Variants in MBNL1 observed in about 807,000 individuals in gnomAD.
The protein encoded by MBNL1 is muscleblind like splicing regulator 1.
MBNL1 carries 8 observed loss-of-function variants against 42.2 expected under a neutral mutation model. The observed-to-expected ratio is 0.19, with a 90% confidence interval of 0.11 to 0.34. MBNL1 has a LOEUF of 0.34. MBNL1 is among the 10% of genes least tolerant of loss of function. The pLI is 1.00. For synonymous variants in MBNL1, 169 were observed against 173.9 expected, an observed-to-expected ratio of 0.97 and a Z score of 0.22; for missense variants, 309 against 495.3, an observed-to-expected ratio of 0.62 and a Z score of 3.57.
intron 2 of MBNL1, among the ~76,000 whole-genome samples, chr3:152,349,209 A>G (rs1269806263): frequency 6.6e-6 from 1 of 152,084 alleles, no homozygotes; most frequent in Non-Finnish European, 1.5e-5. Flanking sequence ...TGTTTGAAAT[A>G]CTTGAATAAC....
intron 4 of MBNL1, among the ~76,000 whole-genome samples, chr3:152,434,815 C>A (rs1251319700): frequency 6.6e-6 from 1 of 152,122 alleles, no homozygotes; most frequent in Non-Finnish European, 1.5e-5. Context: ...GGGAATTTTT[C>A]ATATGCTTGT....
chr3:152,358,408 GA>G (rs879522289), intron 2 of MBNL1, among the ~76,000 whole-genome samples: 1 of 151,786 alleles, frequency 6.6e-6, no homozygotes, highest in Admixed American at 6.6e-5. Context: ...GTATGTGAGA[GA>G]AAAAAAGACA....
At chr3:152,424,243 A>G (rs189269274) in intron 3 of MBNL1, among the ~76,000 whole-genome samples, 144 of 152,368 alleles carry the variant, frequency 9.5e-4, no homozygotes, top group African/African-American at 3.3e-3. Flanking sequence ...TACAAAATCA[A>G]TGTGCAAAAA....
chr3:152,349,605 A>G (rs1448090331), intron 2 of MBNL1, among the ~76,000 whole-genome samples: 1 of 152,180 alleles, frequency 6.6e-6, no homozygotes, highest in Non-Finnish European at 1.5e-5. Flanking sequence ...TGACTTATCC[A>G]TTAGTCATCC....
At chr3:152,297,862 G>A (rs1340308460) in intron 1 of MBNL1, among the ~76,000 whole-genome samples, 1 of 151,802 alleles carries the variant, frequency 6.6e-6, no homozygotes, top group Non-Finnish European at 1.5e-5. Context: ...TACCATGTTG[G>A]CCAGGCTGGT....
chr3:152,252,148 C>CTTCCTTCCTTCCTTCCTTCT (rs1431454510), intron 2 of MBNL1, among the ~76,000 whole-genome samples: 3 of 141,950 alleles, frequency 2.1e-5, no homozygotes, highest in African/African-American at 7.8e-5. Flanking sequence ...TCCTTCCTTC[C>CTTCCTTCCTTCCTTCCTTCT]TTCCTTCCTT....
At chr3:152,345,430 A>G (rs2094083384) in intron 2 of MBNL1, among the ~76,000 whole-genome samples, 1 of 152,258 alleles carries the variant, frequency 6.6e-6, no homozygotes, top group Admixed American at 6.5e-5. Flanking sequence ...CAAGAGGGGA[A>G]GTGTTATAAA....
At chr3:152,455,689 T>C in intron 7 of MBNL1, 112 bp downstream of exon 7, 1 of 885,126 alleles carries the variant, frequency 1.1e-6, no homozygotes, top group Non-Finnish European at 1.8e-6. Context: ...CATTTCCCTT[T>C]TACTAACACT....
At chr3:152,417,639 A>T (rs1467121087) in intron 3 of MBNL1, among the ~76,000 whole-genome samples, 1 of 152,146 alleles carries the variant, frequency 6.6e-6, no homozygotes, top group East Asian at 1.9e-4. Flanking sequence ...TATGCCTGGC[A>T]TATAGCAGAG....
intron 2 of MBNL1, among the ~76,000 whole-genome samples, chr3:152,400,867 G>T (rs1279739742): frequency 6.6e-6 from 1 of 152,138 alleles, no homozygotes; most frequent in Non-Finnish European, 1.5e-5. Flanking sequence ...CAAAAACAGA[G>T]TTTAAAAAAA....
intron 2 of MBNL1, among the ~76,000 whole-genome samples, chr3:152,306,820 G>A (rs553128017): frequency 4.6e-5 from 7 of 152,108 alleles, no homozygotes; most frequent in Non-Finnish European, 8.8e-5. Context: ...GGAGGTGGTT[G>A]AAGAGATACC....
chr3:152,408,302 G>A (rs562231649), intron 2 of MBNL1, among the ~76,000 whole-genome samples: 26 of 151,910 alleles, frequency 1.7e-4, no homozygotes, highest in African/African-American at 6.3e-4. Context: ...ACAAATAACA[G>A]CATCAAAACA....
At chr3:152,448,628 A>C (rs1715353707) in intron 6 of MBNL1, among the ~76,000 whole-genome samples, 1 of 152,196 alleles carries the variant, frequency 6.6e-6, no homozygotes, top group African/African-American at 2.4e-5. Context: ...TAATAAAATT[A>C]TTTTATTAAT....
chr3:152,324,240 T>G (rs79940775), intron 2 of MBNL1, among the ~76,000 whole-genome samples: 1 of 152,338 alleles, frequency 6.6e-6, no homozygotes, highest in East Asian at 1.9e-4. Flanking sequence ...TTATTCATTT[T>G]CATTGCCTTT....
At chr3:152,277,086 T>C (rs903504118) in intron 1 of MBNL1, among the ~76,000 whole-genome samples, 1 of 152,218 alleles carries the variant, frequency 6.6e-6, no homozygotes, top group African/African-American at 2.4e-5. Context: ...TTAAGAATTA[T>C]ATAAAATATC....
chr3:152,386,439 T>C (rs962574304), intron 2 of MBNL1, among the ~76,000 whole-genome samples: 1 of 152,090 alleles, frequency 6.6e-6, no homozygotes, highest in African/African-American at 2.4e-5. Flanking sequence ...CAACTTTTAA[T>C]TGGCAAATCC....
intron 2 of MBNL1, among the ~76,000 whole-genome samples, chr3:152,396,863 T>C (rs1229172252): frequency 1.3e-5 from 2 of 152,174 alleles, no homozygotes; most frequent in African/African-American, 4.8e-5. Context: ...ATAAATGAAG[T>C]ACAAGAAATG....
At chr3:152,437,095 CACACTTATTAATTGACCAA>C (rs763775217) in intron 4 of MBNL1, among the ~76,000 whole-genome samples, 31 of 152,216 alleles carry the variant, frequency 2.0e-4, no homozygotes, top group Admixed American at 8.5e-4. Context: ...AATAAATGCA[CACACTTATTAATTGACCAA>C]ATGTTTGGTC....
chr3:152,348,953 A>G (rs2094602575), intron 2 of MBNL1, among the ~76,000 whole-genome samples: 1 of 152,052 alleles, frequency 6.6e-6, no homozygotes, highest in Admixed American at 6.6e-5. Flanking sequence ...ATATGAGATT[A>G]GGGCTTGTTG....
Sources: gnomAD v4.1 joint callset for allele counts (sites outside exome capture counted in the v4.1 genomes callset) on GRCh38, gnomAD v4.1.1 for gene constraint, MANE v1.5 for transcripts, NCBI Gene and HGNC (gene_info 2026-07-23, HGNC 2026-07-21) for gene names.